Variants in RGS12 observed in about 807,000 individuals in gnomAD.
RGS12 encodes regulator of G-protein signaling 12.
RGS12 carries 66 observed loss-of-function variants against 120.1 expected under a neutral mutation model. The ratio of observed to expected loss-of-function variants is 0.55; its 90% CI spans 0.45 to 0.67. The LOEUF (loss-of-function observed/expected upper bound fraction) is 0.67, where lower values mean the gene tolerates loss of function less well. RGS12 is among the 30% of genes least tolerant of loss of function. The probability of loss-of-function intolerance (pLI) is 0.00; values close to 1 mark genes in which losing one functional copy is unlikely to be tolerated. For missense variants in RGS12, 1,859 were observed against 1,957.7 expected (o/e 0.95, Z 0.95); for synonymous variants, 827 against 804.7 (o/e 1.03, Z -0.47).
chr4:3,292,072 T>C (rs1578654617), upstream of RGS12, among the ~76,000 whole-genome samples: 1 of 152,076 alleles, frequency 6.6e-6, no homozygotes, highest in South Asian at 2.1e-4. Context: ...GCCGAGTCCC[T>C]GGGCGGGCGG....
Position 3,439,785 on chromosome 4 carries a change from C to CA in RGS12, c.*102dup. The CA allele has an allele frequency of 8.5e-7, 1 of 1,175,844 alleles. No homozygotes were observed. The highest frequency in any genetic ancestry group is 1.2e-6 in the Non-Finnish European group (1 of 861,406). The allele number at this position is 1,175,844 out of a possible 1,614,324, so 72.8% of individuals were successfully genotyped here. A position where few individuals can be genotyped will look rare whatever the true frequency, so the allele number is the denominator to read the frequency against. The stretch of plus-strand genomic sequence containing the variant: ...GGGGCCACCCTGGCCACCACACCCT[C>CA]AGGAGCCCAGCCAGGAGGGCAGGGG... On this transcript the variant is annotated 3_prime_UTR_variant, in exon 18 of 18. Transcript: ENST00000336727.
At chr4:3,401,812 T>C (rs1720618386) in intron 4 of RGS12, among the ~76,000 whole-genome samples, 1 of 152,280 alleles carries the variant, frequency 6.6e-6, no homozygotes, top group Non-Finnish European at 1.5e-5. Flanking sequence ...TACCGCATGC[T>C]CACCTTAAAC....
chr4:3,317,071 T>C lies in RGS12; in HGVS notation c.901T>C (p.Phe301Leu), dbSNP rs1322359334. 1 of 1,613,716 alleles carries C rather than the reference T, an allele frequency of 6.2e-7. No individual in the cohort carries two copies. The highest frequency in any genetic ancestry group is 1.7e-5 in the Admixed American group (1 of 60,036). ...VAEYPAEKLA[F>L]SAVCPDDRRF... is the part of the protein sequence containing the mutation. ...CGAGTACCCGGCCGAGAAGCTGGCC[T>C]TCAGCGCCGTGTGCCCGGACGACCG... The change falls in exon 2 of 18, where the codon TTC becomes CTC. Residue 301 changes from phenylalanine (F) to leucine (L), a missense_variant. Coordinates refer to ENST00000336727, the MANE Select transcript of RGS12 (RefSeq NM_001394154.1).
chr4:3,317,650 A>T lies in RGS12; in HGVS notation c.1480A>T (p.Arg494Trp). The part of the protein sequence containing the change: ...PPFEAAHQTD[R>W]FWDLNKHLGP... ...ATTTGAGGCCGCTCATCAGACTGAC[A>T]GGTTCTGGGACCTAAACAAGCACCT... The change falls in exon 2 of 18, where the codon AGG becomes TGG. Residue 494 changes from arginine to tryptophan, a missense_variant. Arg to Trp is a moderately radical substitution (Grantham distance 101). Transcript: ENST00000336727. 6.3e-7 allele frequency: 1 copy of T among 1,596,864 alleles called. No individual in the cohort carries two copies. The highest frequency in any genetic ancestry group is 2.2e-5 in the East Asian group (1 of 44,534).
At chr4:3,364,924 G>A (rs1339025730) in intron 3 of RGS12, among the ~76,000 whole-genome samples, 1 of 152,052 alleles carries the variant, frequency 6.6e-6, no homozygotes, top group Non-Finnish European at 1.5e-5. Flanking sequence ...GAGGAGGCTG[G>A]GCAGGGTGCG....
At chr4:3,408,757 T>A (rs1473541568) in intron 4 of RGS12, among the ~76,000 whole-genome samples, 1 of 152,158 alleles carries the variant, frequency 6.6e-6, no homozygotes, top group Non-Finnish European at 1.5e-5. Flanking sequence ...GCCCAGAGGC[T>A]TCTCTTTCCG....
Position 3,439,758 on chromosome 4 carries a change from G to C in RGS12, c.*74G>C. On this transcript the variant is annotated 3_prime_UTR_variant, in exon 18 of 18. Transcript: ENST00000336727. Reference sequence around the variant, plus strand: ...GCCCAGGTGGATTCTGTGGGCCTCAGGGGGGCCACCCTGGCCACCACACCC... The same window carrying C: ...GCCCAGGTGGATTCTGTGGGCCTCACGGGGGCCACCCTGGCCACCACACCC... 2 of 1,362,632 alleles carry C rather than the reference G, an allele frequency of 1.5e-6. No individual in the cohort carries two copies. Among genetic ancestry groups the C allele is most frequent in the Non-Finnish European group, 1.9e-6 (2 of 1,026,666 alleles). 84.4% of individuals were successfully genotyped at this position (1,362,632 alleles called of 1,614,324 possible).
intron 3 of RGS12, among the ~76,000 whole-genome samples, chr4:3,382,080 T>C (rs1718318609): frequency 6.6e-6 from 1 of 152,238 alleles, no homozygotes; most frequent in African/African-American, 2.4e-5. Flanking sequence ...TGCTGTTAGC[T>C]TTGGATATTG....
chr4:3,329,155 T>C (rs1215091540), intron 2 of RGS12, among the ~76,000 whole-genome samples: 1 of 152,106 alleles, frequency 6.6e-6, no homozygotes, highest in Non-Finnish European at 1.5e-5. Context: ...GAGCTGTGGG[T>C]CAAGAAGAGG....
At chr4:3,363,497 G>C (rs79401733) in intron 3 of RGS12, among the ~76,000 whole-genome samples, 2,771 of 152,060 alleles carry the variant, frequency 0.018, 84 homozygotes, top group African/African-American at 0.064. Context: ...CTGAACTGCT[G>C]CTTGTTGGCG....
chr4:3,340,936 C>T (rs1408884919), intron 2 of RGS12, among the ~76,000 whole-genome samples: 1 of 152,090 alleles, frequency 6.6e-6, no homozygotes, highest in East Asian at 1.9e-4. Context: ...TTGGCCGGTC[C>T]ATCTGGCACC....
intron 1 of RGS12, among the ~76,000 whole-genome samples, chr4:3,309,663 T>G (rs113543952): frequency 0.21 from 3,032 of 14,332 alleles, 21 homozygotes; most frequent in African/African-American, 0.24. Context: ...GCTGGGACCC[T>G]GGAATGGCAG....
chr4:3,320,784 A>ACAAGATGGGT, intron 2 of RGS12, among the ~76,000 whole-genome samples: 1 of 152,264 alleles, frequency 6.6e-6, no homozygotes, highest in East Asian at 1.9e-4. Context: ...TGAGGCGGCC[A>ACAAGATGGGT]CAAGATGGGT....
In RGS12 at chr4:3,317,604, G is replaced by A. The variant is rs370337184; in HGVS notation, c.1434G>A (p.Pro478=). 41 of 1,587,390 alleles carry A rather than the reference G, an allele frequency of 2.6e-5. No individual in the cohort carries two copies. The highest frequency in any genetic ancestry group is 1.2e-4 in the African/African-American group (9 of 74,378). Residue 478 remains proline (P), a synonymous_variant, in exon 2 of 18, where the codon CCG becomes CCA. Transcript: ENST00000336727. The part of the protein sequence containing the change: ...WGAPWTGPFC[P]DPEGSPPFEA... ...CTCCCTGGACTGGGCCCTTCTGTCC[G>A]GACCCCGAAGGGAGCCCCCCATTTG...
intron 13 of RGS12, among the ~76,000 whole-genome samples, chr4:3,424,937 C>G (rs975820493): frequency 1.3e-5 from 2 of 152,198 alleles, no homozygotes; most frequent in Non-Finnish European, 2.9e-5. Context: ...ACTGACAGAT[C>G]GTGAATGCCA....
At chr4:3,295,311 A>G (rs114639987) in intron 1 of RGS12, among the ~76,000 whole-genome samples, 1,572 of 152,282 alleles carry the variant, frequency 0.01, 22 homozygotes, top group Middle Eastern at 0.034. Flanking sequence ...GGTTGACAGT[A>G]TGTGGATCAC....
At chr4:3,356,289 A>G (rs931563503) in intron 3 of RGS12, among the ~76,000 whole-genome samples, 5 of 152,054 alleles carry the variant, frequency 3.3e-5, no homozygotes, top group African/African-American at 7.2e-5. Flanking sequence ...TCCTGAGCTC[A>G]AGTGATCCAC....
intron 6 of RGS12, 119 bp from the exon 7 acceptor site, chr4:3,415,859 G>T: frequency 1.0e-6 from 1 of 984,546 alleles, no homozygotes; most frequent in Non-Finnish European, 1.5e-6. Context: ...CAAGCAAGAG[G>T]TATTTACTGG....
chr4:3,305,191 G>A (rs1723905227), intron 1 of RGS12, among the ~76,000 whole-genome samples: 1 of 152,194 alleles, frequency 6.6e-6, no homozygotes, highest in African/African-American at 2.4e-5. Flanking sequence ...CGAAAGCCAT[G>A]GTCTTTTGAA....
Sources: allele counts gnomAD v4.1 joint callset (sites outside exome capture counted in the v4.1 genomes callset), GRCh38; gene constraint gnomAD v4.1.1; transcripts MANE v1.5; gene names NCBI Gene and HGNC (gene_info 2026-07-23, HGNC 2026-07-21).